Variants in AP1B1 observed in about 807,000 individuals in gnomAD.
The protein encoded by AP1B1 is adaptor related protein complex 1 subunit beta 1, also known as AP-1 complex subunit beta-1.
AP1B1 carries 36 observed loss-of-function variants against 104.3 expected under a neutral mutation model. The observed-to-expected ratio is 0.35, with a 90% CI of 0.26 to 0.46. The LOEUF is 0.46. Among genes scored for constraint, AP1B1 ranks in the 20% least tolerant of loss-of-function variants. The pLI, the probability that AP1B1 is intolerant of heterozygous loss-of-function variation, is 1.00. For synonymous variants in AP1B1, 504 were observed against 517.5 expected, an observed-to-expected ratio of 0.97 and a Z score of 0.35; for missense variants, 901 against 1,247.9, an observed-to-expected ratio of 0.72 and a Z score of 4.19.
rs758428449 is a variant in AP1B1, at chr22:29,356,454, T to C, written c.688A>G (p.Met230Val). Reference sequence around the variant, plus strand: ...TGGGCCTCGCGGTCGTCCTTGGGCATATAGTTGGCGAGGCAGTCCAGGATG... The same window carrying C: ...TGGGCCTCGCGGTCGTCCTTGGGCACATAGTTGGCGAGGCAGTCCAGGATG... Reference protein sequence around the residue: ...IFILDCLANYMPKDDREAQSI... With the variant: ...IFILDCLANYVPKDDREAQSI... The change falls in exon 6 of 23, where the codon ATG becomes GTG. Residue 230 changes from methionine (M) to valine (V), a missense_variant. Transcript: ENST00000357586. 1.2e-6 allele frequency: 2 copies of C among 1,614,032 alleles called. No homozygotes were observed. Among genetic ancestry groups the C allele is most frequent in the South Asian group, 1.1e-5 (1 of 91,086 alleles).
chr22:29,344,835 C>T (rs1468211879), intron 11 of AP1B1, among the ~76,000 whole-genome samples: 2 of 151,888 alleles, frequency 1.3e-5, no homozygotes, highest in Admixed American at 6.6e-5. Context: ...TCTAAGTCTG[C>T]TGTCCATGGC....
At chr22:29,384,267 C>A (rs2062485508) in intron 1 of AP1B1, among the ~76,000 whole-genome samples, 2 of 152,128 alleles carry the variant, frequency 1.3e-5, no homozygotes, top group Non-Finnish European at 2.9e-5. Context: ...CACTTCCCTG[C>A]TCCGTACCAG....
chr22:29,368,675 T>C (rs762697472), intron 1 of AP1B1, among the ~76,000 whole-genome samples: 161 of 152,198 alleles, frequency 1.1e-3, no homozygotes, highest in Non-Finnish European at 6.2e-4. Flanking sequence ...CTGAGCTTAG[T>C]TCCTATGCTC....
At chr22:29,360,855 A>G (rs2062033937) in intron 3 of AP1B1, among the ~76,000 whole-genome samples, 3 of 152,148 alleles carry the variant, frequency 2.0e-5, no homozygotes, top group Admixed American at 6.5e-5. Context: ...ATCCCCTCTC[A>G]ATTCTTATGT....
intron 9 of AP1B1, among the ~76,000 whole-genome samples, chr22:29,350,411 C>T (rs1255923013): frequency 6.6e-6 from 1 of 152,148 alleles, no homozygotes; most frequent in East Asian, 1.9e-4. Flanking sequence ...GTCCTTGGAG[C>T]TCCTCTAAGT....
intron 9 of AP1B1, among the ~76,000 whole-genome samples, chr22:29,350,544 T>C (rs952072126): frequency 6.6e-6 from 1 of 152,192 alleles, no homozygotes; most frequent in African/African-American, 2.4e-5. Context: ...CTGCCTTTAC[T>C]TCCACACACT....
Position 29,355,460 on chromosome 22 carries a change from T to TAAAC in AP1B1, c.717-593_717-590dup, listed in dbSNP as rs549032143. 5.9e-4 allele frequency among the ~76,000 whole-genome samples: 89 copies of TAAAC among 152,110 alleles called. 1 individual carries two copies. The East Asian group carries it at 0.012, about 20-fold the overall frequency. On this transcript the variant is annotated intron_variant, in intron 6 of 22. Coordinates refer to ENST00000357586, the MANE Select transcript of AP1B1 (RefSeq NM_001127.4). ...TGGGCAACAGAGCGAGACCCTGTCA[T>TAAAC]AAACAAACAAACAAACAAACATGTT... is the stretch of plus-strand genomic sequence containing the variant.
intron 1 of AP1B1, among the ~76,000 whole-genome samples, chr22:29,381,813 A>G (rs1191655192): frequency 1.3e-5 from 2 of 151,890 alleles, no homozygotes; most frequent in African/African-American, 4.8e-5. Context: ...GGCACAGGAT[A>G]TAAGTACCAG....
At chr22:29,373,317 C>A (rs5752903) in intron 1 of AP1B1, among the ~76,000 whole-genome samples, 99,000 of 152,102 alleles carry the variant, frequency 0.65, 34,351 homozygotes, top group African/African-American at 0.91. Context: ...TGTACCTGCT[C>A]TTCTGTGTAT....
At chr22:29,366,323 A>G (rs1427759174) in intron 2 of AP1B1, among the ~76,000 whole-genome samples, 2 of 152,192 alleles carry the variant, frequency 1.3e-5, no homozygotes, top group South Asian at 4.1e-4. Flanking sequence ...CATCAAATGA[A>G]AAACAGGATT....
At chr22:29,383,586 G>C (rs1201956144) in intron 1 of AP1B1, among the ~76,000 whole-genome samples, 1 of 149,954 alleles carries the variant, frequency 6.7e-6, no homozygotes, top group South Asian at 2.1e-4. Context: ...GCGGGCGCCT[G>C]TAATCCCAGC....
intron 2 of AP1B1, among the ~76,000 whole-genome samples, chr22:29,363,845 A>G (rs1252480847): frequency 2.0e-5 from 3 of 152,064 alleles, no homozygotes; most frequent in African/African-American, 7.2e-5. Context: ...GCCGTGAGCC[A>G]TGACACCACT....
At chr22:29,352,308 A>G (rs2061888868) in intron 7 of AP1B1, among the ~76,000 whole-genome samples, 1 of 152,260 alleles carries the variant, frequency 6.6e-6, no homozygotes, top group Admixed American at 6.5e-5. Flanking sequence ...AAAGGTATTT[A>G]ACTGTACCTA....
At chr22:29,369,657 G>A (rs922485408) in intron 1 of AP1B1, among the ~76,000 whole-genome samples, 2 of 152,050 alleles carry the variant, frequency 1.3e-5, no homozygotes, top group Admixed American at 1.3e-4. Flanking sequence ...GCTCCCGTTC[G>A]CCCTCCTCTT....
intron 1 of AP1B1, among the ~76,000 whole-genome samples, chr22:29,379,369 G>A (rs1331275742): frequency 6.6e-6 from 1 of 152,126 alleles, no homozygotes; most frequent in East Asian, 1.9e-4. Flanking sequence ...AATAAAGTAA[G>A]TAAGGCTTCT....
intron 11 of AP1B1, among the ~76,000 whole-genome samples, chr22:29,346,799 G>GGGC (rs1296367918): frequency 2.0e-5 from 3 of 152,172 alleles, no homozygotes; most frequent in African/African-American, 7.2e-5. Context: ...GGCAGTGGGG[G>GGGC]GGGGTGACGG....
rs1234209153 is a variant in AP1B1 at position 29,346,215 on chromosome 22, AC to A, written c.1437+3002del. 3.3e-5 allele frequency among the ~76,000 whole-genome samples: 5 copies of A among 152,236 alleles called. No homozygotes were observed. The East Asian group carries it at 9.7e-4, about 29-fold the overall frequency. ...AAACTTCAGAGCTCTGTTTCTGTTCACACCACCAGACTCTTGGCTTACCTCT... is the reference window on the plus strand; with the variant it reads ...AAACTTCAGAGCTCTGTTTCTGTTCAACCACCAGACTCTTGGCTTACCTCT... On this transcript the variant is annotated intron_variant, in intron 11 of 22. Coordinates refer to ENST00000357586, the MANE Select transcript of AP1B1 (RefSeq NM_001127.4).
intron 1 of AP1B1, among the ~76,000 whole-genome samples, chr22:29,374,210 T>A (rs1193635638): frequency 3.3e-5 from 5 of 151,882 alleles, no homozygotes; most frequent in Admixed American, 1.3e-4. Flanking sequence ...TAAAAAAAAA[T>A]TTTGTTTTTA....
At chr22:29,349,647 G>C (rs1216048448) in intron 10 of AP1B1, among the ~76,000 whole-genome samples, 1 of 152,034 alleles carries the variant, frequency 6.6e-6, no homozygotes, top group Non-Finnish European at 1.5e-5. Flanking sequence ...CCAAGTAGCT[G>C]GGATTACAGG....
Sources: allele counts gnomAD v4.1 joint callset (sites outside exome capture counted in the v4.1 genomes callset), GRCh38; gene constraint gnomAD v4.1.1; transcripts MANE v1.5; gene names NCBI Gene and HGNC (gene_info 2026-07-23, HGNC 2026-07-21).